The following DOP1A variants were observed in gnomAD, a reference collection of about 807,000 sequenced individuals.
DOP1A encodes DOP1 leucine zipper like protein A, also known as protein DOP1A.
DOP1A carries 90 observed loss-of-function variants against 267.6 expected under a neutral mutation model. The ratio of observed to expected loss-of-function variants is 0.34; its 90% CI spans 0.28 to 0.40. The LOEUF is 0.40. Ranked by LOEUF, DOP1A falls within the 10% of genes least tolerant of loss-of-function variation. The probability of loss-of-function intolerance (pLI) is 1.00; values close to 1 mark genes in which losing one functional copy is unlikely to be tolerated. For synonymous variants in DOP1A, 932 were observed against 999.1 expected, an observed-to-expected ratio of 0.93 and a Z score of 1.27; for missense variants, 2,437 against 2,900.4, an observed-to-expected ratio of 0.84 and a Z score of 3.67.
intron 3 of DOP1A, among the ~76,000 whole-genome samples, chr6:83,099,939 C>T (rs1772263594): frequency 1.3e-5 from 2 of 151,968 alleles, no homozygotes; most frequent in African/African-American, 4.8e-5. Context: ...AGTCTGTATT[C>T]ATTCTGAGTC....
rs1250386730 is a variant in DOP1A, at chr6:83,121,967, T to C, written c.1137T>C (p.Phe379=). Residue 379 remains phenylalanine (F), a synonymous_variant, in exon 11 of 39, where the codon TTT becomes TTC. Transcript: ENST00000349129. ...TAGAAGATGTCCTGATTGAAGTGTTTAGAACATTATATTCTCAATGCAAAG... is the reference window on the plus strand; with the variant it reads ...TAGAAGATGTCCTGATTGAAGTGTTCAGAACATTATATTCTCAATGCAAAG... The part of the protein sequence containing the change: ...VILEDVLIEV[F]RTLYSQCKAE... The C allele has an allele frequency of 2.5e-6, 4 of 1,611,136 alleles. No homozygotes were observed. The highest frequency in any genetic ancestry group is 2.2e-5 in the South Asian group (2 of 90,890).
intron 4 of DOP1A, among the ~76,000 whole-genome samples, chr6:83,101,998 C>T (rs1772676384): frequency 6.6e-6 from 1 of 152,124 alleles, no homozygotes; most frequent in African/African-American, 2.4e-5. Flanking sequence ...TTCTCCTGCC[C>T]TTGGTAACAA....
intron 1 of DOP1A, among the ~76,000 whole-genome samples, chr6:83,075,058 G>A (rs1047580563): frequency 6.6e-6 from 1 of 152,132 alleles, no homozygotes; most frequent in Non-Finnish European, 1.5e-5. Context: ...TTTCAGATAT[G>A]TATTGTACAT....
intron 38 of DOP1A, chr6:83,164,779 C>A: frequency 7.1e-7 from 1 of 1,404,902 alleles, no homozygotes; most frequent in Non-Finnish European, 9.8e-7. Context: ...TATTGAGACA[C>A]AAACCCAGGT....
intron 1 of DOP1A, among the ~76,000 whole-genome samples, chr6:83,070,725 AT>A (rs5877835): frequency 0.89 from 133,842 of 150,088 alleles, 59,684 homozygotes; most frequent in East Asian, 0.95. Context: ...TCCTTTTCAC[AT>A]TTTTTTTTTT....
chr6:83,069,771 T>C (rs1785295864), intron 1 of DOP1A, among the ~76,000 whole-genome samples: 1 of 152,186 alleles, frequency 6.6e-6, no homozygotes. Flanking sequence ...TGGTGGAGTG[T>C]AGTTATTGAT....
chr6:83,115,237 A>T (rs1235602429), intron 7 of DOP1A, among the ~76,000 whole-genome samples: 6 of 152,218 alleles, frequency 3.9e-5, no homozygotes, highest in African/African-American at 7.2e-5. Flanking sequence ...AATTGTAATC[A>T]AGAAGCAACT....
chr6:83,116,470 C>T (rs1775450534), intron 7 of DOP1A, among the ~76,000 whole-genome samples: 1 of 152,122 alleles, frequency 6.6e-6, no homozygotes, highest in Admixed American at 6.6e-5. Context: ...TTGGGAGAAA[C>T]TTTTAAGCCC....
At chr6:83,085,702 C>G (rs1769034131) in intron 1 of DOP1A, among the ~76,000 whole-genome samples, 1 of 151,752 alleles carries the variant, frequency 6.6e-6, no homozygotes. Context: ...GAGGTCTTAT[C>G]CTTAGAGAAT....
intron 35 of DOP1A, among the ~76,000 whole-genome samples, chr6:83,157,794 C>A (rs1386624660): frequency 6.6e-6 from 1 of 152,112 alleles, no homozygotes; most frequent in Non-Finnish European, 1.5e-5. Context: ...TTGTAACCTA[C>A]CAAACGGTAA....
chr6:83,157,006 T>C (rs74804138), intron 34 of DOP1A, among the ~76,000 whole-genome samples, 176 bp from the exon 35 acceptor site: 3,829 of 152,330 alleles, frequency 0.025, 68 homozygotes, highest in South Asian at 0.042. Flanking sequence ...TTTGTGTATC[T>C]TTGTTTAATT....
chr6:83,122,853 C>CT lies in DOP1A; in HGVS notation c.1221-4dup. ...TTTTTTAGTTTTTGTTTTCTTTTCT[C>CT]TTTTTTCAGTAAATTAAGAGAAAAT... On this transcript the variant is annotated splice_polypyrimidine_tract_variant and intron_variant, in intron 11 of 38. Transcript: ENST00000349129. 1 of 1,447,554 alleles carries CT rather than the reference C, an allele frequency of 6.9e-7. No homozygotes were observed. The highest frequency in any genetic ancestry group is 1.5e-5 in the African/African-American group (1 of 67,166). The allele number at this position is 1,447,554 out of a possible 1,614,324, so 89.7% of individuals were successfully genotyped here.
At chr6:83,070,730 T>C (rs1029542262) in intron 1 of DOP1A, among the ~76,000 whole-genome samples, 15 of 152,190 alleles carry the variant, frequency 9.9e-5, no homozygotes, top group Non-Finnish European at 2.2e-4. Context: ...TTCACATTTT[T>C]TTTTTTCATC....
downstream of DOP1A, chr6:83,169,186 G>A: frequency 6.2e-7 from 1 of 1,607,466 alleles, no homozygotes; most frequent in Non-Finnish European, 8.5e-7. Flanking sequence ...TGACAGTTTT[G>A]TAAAGACTTG....
In DOP1A at chr6:83,129,005, C is replaced by G. The variant is rs748404677; in HGVS notation, c.1838C>G (p.Thr613Ser). 5.6e-6 allele frequency: 9 copies of G among 1,613,342 alleles called. No individual in the cohort carries two copies. Among genetic ancestry groups the G allele is most frequent in the Non-Finnish European group, 7.6e-6 (9 of 1,179,738 alleles). ...TTTATACAATATCAAGCAGACCGAA[C>G]TGATGATATTGACAGAGAACTGAGT... ...TEFIQYQADR[T>S]DDIDRELSEG... is the part of the protein sequence containing the mutation. The change falls in exon 16 of 39, where the codon ACT becomes AGT. Residue 613 changes from threonine to serine, a missense_variant. Thr to Ser is a moderately conservative substitution (Grantham distance 58). Coordinates refer to ENST00000349129, the MANE Select transcript of DOP1A (RefSeq NM_015018.4).
Position 83,140,007 on chromosome 6 carries a change from T to G in DOP1A, c.5128T>G (p.Trp1710Gly). The G allele has an allele frequency of 4.3e-6, 7 of 1,611,890 alleles. No individual in the cohort carries two copies. The highest frequency in any genetic ancestry group is 5.9e-6 in the Non-Finnish European group (7 of 1,178,346). Reference sequence around the variant, plus strand: ...GAATGCATTTTACTTCAGGCCTCTGTGGATGGCATCAATTATTCCACCAGA... The same window carrying G: ...GAATGCATTTTACTTCAGGCCTCTGGGGATGGCATCAATTATTCCACCAGA... Reference protein sequence around the residue: ...ETGLSDSRPLWMASIIPPDMI... With the variant: ...ETGLSDSRPLGMASIIPPDMI... The change falls in exon 22 of 39, where the codon TGG becomes GGG. Residue 1710 changes from tryptophan to glycine, a missense_variant. Trp to Gly is a radical substitution (Grantham distance 184). This residue lies in a region of DOP1A where 307 missense variants were observed against 308.6 expected (regional missense o/e 0.99). Coordinates refer to ENST00000349129, the MANE Select transcript of DOP1A (RefSeq NM_015018.4).
intron 20 of DOP1A, among the ~76,000 whole-genome samples, chr6:83,136,708 A>G (rs1413131367): frequency 6.6e-6 from 1 of 152,036 alleles, no homozygotes; most frequent in African/African-American, 2.4e-5. Flanking sequence ...TACCCTGCTT[A>G]TTGCCAGAAT....
At chr6:83,170,424 G>T (rs781153408), downstream of DOP1A, 1 of 1,613,904 alleles carries the variant, frequency 6.2e-7, no homozygotes, top group Admixed American at 1.7e-5. Context: ...AATCCTGGGG[G>T]TGTAACTGCT....
At chr6:83,123,071 T>C in intron 12 of DOP1A, 89 bp downstream of exon 12, 1 of 1,363,222 alleles carries the variant, frequency 7.3e-7, no homozygotes, top group Non-Finnish European at 9.9e-7. Context: ...ATGAATGTTC[T>C]TTTATACATT....
Sources: gnomAD v4.1 joint callset for allele counts (sites outside exome capture counted in the v4.1 genomes callset) on GRCh38, gnomAD v4.1.1 for gene constraint, gnomAD v4.1.1 regional missense constraint, MANE v1.5 for transcripts, NCBI Gene and HGNC (gene_info 2026-07-23, HGNC 2026-07-21) for gene names.